Variants in CTCF observed in about 807,000 individuals in gnomAD.
The protein encoded by CTCF is transcriptional repressor CTCF.
Under a neutral mutation model 72.3 loss-of-function variants are expected in CTCF, and 7 were observed. The ratio of observed to expected loss-of-function variants is 0.10; its 90% CI spans 0.06 to 0.18. The LOEUF (loss-of-function observed/expected upper bound fraction) is 0.18, where lower values mean the gene tolerates loss of function less well. CTCF is among the 10% of genes least tolerant of loss of function. CTCF has a pLI of 1.00. For synonymous variants in CTCF, 374 were observed against 315.8 expected (o/e 1.18, Z -1.95); for missense variants, 516 against 949.1 (o/e 0.54, Z 6.00).
intron 1 of CTCF, among the ~76,000 whole-genome samples, chr16:67,567,691 A>G (rs1227502711): frequency 6.6e-6 from 1 of 151,696 alleles, no homozygotes; most frequent in Non-Finnish European, 1.5e-5. Flanking sequence ...CCTGGGCTCA[A>G]GCAGTCTTCC....
intron 4 of CTCF, among the ~76,000 whole-genome samples, chr16:67,612,956 T>A (rs2052080923): frequency 6.6e-6 from 1 of 152,166 alleles, no homozygotes; most frequent in African/African-American, 2.4e-5. Context: ...ACCTTAACAT[T>A]TTTTGTTTCT....
intron 10 of CTCF, among the ~76,000 whole-genome samples, chr16:67,631,172 G>GTTTTTTTTTTTTTTTTTTTT (rs367618037): frequency 8.2e-6 from 1 of 121,436 alleles, no homozygotes; most frequent in African/African-American, 3.3e-5. Context: ...TTTGTTTTTT[G>GTTTTTTTTTTTTTTTTTTTT]TTTTTTTTTT....
chr16:67,636,983 TC>T (rs1342038037), intron 11 of CTCF, 132 bp downstream of exon 11: 4 of 804,514 alleles, frequency 5.0e-6, no homozygotes, highest in Non-Finnish European at 7.2e-6. Context: ...GAGAACAAAC[TC>T]TCAGGAAATG....
chr16:67,580,454 C>CCCTG (rs2051563519), intron 2 of CTCF, among the ~76,000 whole-genome samples: 1 of 152,140 alleles, frequency 6.6e-6, no homozygotes, highest in African/African-American at 2.4e-5. Flanking sequence ...TCCCCTCCTC[C>CCCTG]CAGGCCATCC....
chr16:67,584,607 T>C (rs1450875581), intron 2 of CTCF, among the ~76,000 whole-genome samples: 1 of 151,620 alleles, frequency 6.6e-6, no homozygotes, highest in East Asian at 1.9e-4. Flanking sequence ...ATTACAGGCG[T>C]GAGCCACCGC....
At chr16:67,582,947 A>T (rs2051607408) in intron 2 of CTCF, among the ~76,000 whole-genome samples, 1 of 151,704 alleles carries the variant, frequency 6.6e-6, no homozygotes, top group Non-Finnish European at 1.5e-5. Flanking sequence ...TCACACACTG[A>T]ACTTAAATCT....
chr16:67,637,993 C>G lies in CTCF; in HGVS notation c.*121C>G, dbSNP rs1398350719. 6.7e-6 allele frequency: 6 copies of G among 897,274 alleles called. No individual in the cohort carries two copies. Among genetic ancestry groups the G allele is most frequent in the Non-Finnish European group, 9.8e-6 (6 of 613,180 alleles). 55.6% of individuals were successfully genotyped at this position (897,274 alleles called of 1,614,324 possible). A position where few individuals can be genotyped will look rare whatever the true frequency, so the allele number is the denominator to read the frequency against. On this transcript the variant is annotated 3_prime_UTR_variant, in exon 12 of 12. Coordinates refer to ENST00000264010, the MANE Select transcript of CTCF (RefSeq NM_006565.4). The stretch of plus-strand genomic sequence containing the variant: ...AAAAGCATCATTTTACCAAACATAC[C>G]GAGAACGAAAACTTCAAGGATGATG...
At chr16:67,593,251 T>A (rs1184536537) in intron 2 of CTCF, among the ~76,000 whole-genome samples, 1 of 152,000 alleles carries the variant, frequency 6.6e-6, no homozygotes, top group African/African-American at 2.4e-5. Context: ...CATGGGTATA[T>A]TGTGTGATTA....
intron 2 of CTCF, among the ~76,000 whole-genome samples, chr16:67,610,059 A>G (rs1186038752): frequency 1.3e-5 from 2 of 152,150 alleles, no homozygotes; most frequent in East Asian, 3.9e-4. Context: ...GTGTTAGCCA[A>G]ATGTTCCTAG....
At chr16:67,573,935 G>A (rs1384753198) in intron 2 of CTCF, among the ~76,000 whole-genome samples, 1 of 152,042 alleles carries the variant, frequency 6.6e-6, no homozygotes, top group Non-Finnish European at 1.5e-5. Flanking sequence ...GGAGGCTGAG[G>A]CAGGAGAATC....
At chr16:67,578,325 C>CTTTTTTTTTTTTTTTTTTTTTTTTTTT (rs944395345) in intron 2 of CTCF, among the ~76,000 whole-genome samples, 2 of 84,480 alleles carry the variant, frequency 2.4e-5, no homozygotes, top group African/African-American at 5.1e-5. Context: ...GTTTATGTAT[C>CTTTTTTTTTTTTTTTTTTTTTTTTTTT]TTTTTTTTTT....
At chr16:67,589,657 AAGCTTATCTGGGAGTC>A (rs1567598972) in intron 2 of CTCF, among the ~76,000 whole-genome samples, 1 of 152,132 alleles carries the variant, frequency 6.6e-6, no homozygotes, top group East Asian at 1.9e-4. Context: ...GCAGAAGACA[AAGCTTATCTGGGAGTC>A]AGCTTTAGCA....
At position 67,624,133 on chromosome 16, in the gene CTCF, A is replaced by ATG. The variant is rs549592119; in HGVS notation, c.1358-2410_1358-2409dup. Among the ~76,000 whole-genome samples, 709 of 133,496 alleles carry ATG rather than the reference A, an allele frequency of 5.3e-3. 43 individuals carry two copies. The East Asian group carries it at 0.12, about 23-fold the overall frequency. 87.6% of individuals were successfully genotyped at this position (133,496 alleles called of 152,430 possible). On this transcript the variant is annotated intron_variant, in intron 7 of 11. Coordinates refer to ENST00000264010, the MANE Select transcript of CTCF (RefSeq NM_006565.4). ...TGTGTGTGTATGTGTGTGTATATAT[A>ATG]TGTGTGTGTGTGTATATATGTGTGT...
chr16:67,631,532 C>T (rs771797031), intron 10 of CTCF, among the ~76,000 whole-genome samples: 1 of 151,920 alleles, frequency 6.6e-6, no homozygotes, highest in Admixed American at 6.6e-5. Context: ...AACTCCTGGG[C>T]TCAAGTGATC....
intron 2 of CTCF, 72 bp from the exon 3 acceptor site, chr16:67,610,752 T>G: frequency 8.7e-7 from 1 of 1,147,774 alleles, no homozygotes; most frequent in Non-Finnish European, 1.2e-6. Flanking sequence ...AGGGTCTTTT[T>G]GTTTTAAAAT....
chr16:67,622,008 T>C (rs1033529891), intron 7 of CTCF, among the ~76,000 whole-genome samples: 5 of 152,192 alleles, frequency 3.3e-5, no homozygotes, highest in African/African-American at 1.2e-4. Flanking sequence ...TAGTGGTAAC[T>C]GTATTTCTGT....
intron 6 of CTCF, 70 bp downstream of exon 6, chr16:67,620,887 C>T: frequency 7.7e-7 from 1 of 1,297,700 alleles, no homozygotes. Flanking sequence ...CCCTGTGGAC[C>T]ACTGTGTGTC....
chr16:67,600,588 G>A (rs1238601557), intron 2 of CTCF, among the ~76,000 whole-genome samples: 1 of 152,000 alleles, frequency 6.6e-6, no homozygotes, highest in Admixed American at 6.6e-5. Context: ...CATGTTGCCT[G>A]TGCTGGGCTT....
chr16:67,624,878 G>A (rs2052261973), intron 7 of CTCF, among the ~76,000 whole-genome samples: 1 of 151,796 alleles, frequency 6.6e-6, no homozygotes, highest in African/African-American at 2.4e-5. Context: ...ACAGGTGTGA[G>A]CCACCACACC....
Sources: gnomAD v4.1 joint callset for allele counts (sites outside exome capture counted in the v4.1 genomes callset) on GRCh38, gnomAD v4.1.1 for gene constraint, MANE v1.5 for transcripts, NCBI Gene and HGNC (gene_info 2026-07-23, HGNC 2026-07-21) for gene names.